Variants in HNRNPR observed in about 807,000 individuals in gnomAD.
HNRNPR encodes the protein heterogeneous nuclear ribonucleoprotein R.
Under a neutral mutation model 70.3 loss-of-function variants are expected in HNRNPR, and 4 were observed. That is an observed-to-expected ratio of 0.06 (90% CI 0.03 to 0.13). The LOEUF (loss-of-function observed/expected upper bound fraction) is 0.13. HNRNPR is among the 10% of genes least tolerant of loss of function. The pLI is 1.00. For synonymous variants in HNRNPR, 241 were observed against 267.6 expected, an observed-to-expected ratio of 0.90 and a Z score of 0.97; for missense variants, 423 against 788.5, an observed-to-expected ratio of 0.54 and a Z score of 5.55.
intron 7 of HNRNPR, 52 bp downstream of exon 7, chr1:23,321,476 A>G: frequency 6.7e-7 from 1 of 1,501,686 alleles, no homozygotes; most frequent in South Asian, 1.2e-5. Context: ...AGCACTTGTA[A>G]GTAGTACAAC....
chr1:23,322,238 C>CT lies in HNRNPR; in HGVS notation c.676-576dup, dbSNP rs552324332. Among the ~76,000 whole-genome samples, 302 of 145,488 alleles carry CT rather than the reference C, an allele frequency of 2.1e-3. 1 individual carries two copies. The highest frequency in any genetic ancestry group is 7.0e-3 in the Middle Eastern group (2 of 286). On this transcript the variant is annotated intron_variant, in intron 6 of 10. Transcript: ENST00000302271. Reference sequence around the variant, plus strand: ...TGGATTTTCTTGATAAATTGTAGCCCTTTTTTTTTTTTCTTAAGATGGAGT... The same window carrying CT: ...TGGATTTTCTTGATAAATTGTAGCCCTTTTTTTTTTTTTCTTAAGATGGAGT...
chr1:23,336,907 G>A (rs1646516319), intron 4 of HNRNPR, among the ~76,000 whole-genome samples: 1 of 152,000 alleles, frequency 6.6e-6, no homozygotes, highest in Admixed American at 6.6e-5. Context: ...TAATAAAATG[G>A]TAATAATAAT....
intron 8 of HNRNPR, among the ~76,000 whole-genome samples, chr1:23,317,856 T>C (rs1478001325): frequency 6.6e-6 from 1 of 151,900 alleles, no homozygotes; most frequent in Non-Finnish European, 1.5e-5. Flanking sequence ...GGCAGGCGCC[T>C]GTAGTCCCAG....
At chr1:23,334,571 T>A (rs1646387223) in intron 4 of HNRNPR, among the ~76,000 whole-genome samples, 1 of 152,286 alleles carries the variant, frequency 6.6e-6, no homozygotes, top group African/African-American at 2.4e-5. Context: ...TTAAGCTTGA[T>A]TTTGTTTGAT....
chr1:23,325,514 C>G (rs571926022), intron 5 of HNRNPR, among the ~76,000 whole-genome samples: 31 of 152,254 alleles, frequency 2.0e-4, no homozygotes, highest in African/African-American at 7.5e-4. Flanking sequence ...CTTAAGGTCC[C>G]CAATCCTCAT....
At chr1:23,320,600 A>G (rs1645717423) in intron 7 of HNRNPR, among the ~76,000 whole-genome samples, 1 of 152,200 alleles carries the variant, frequency 6.6e-6, no homozygotes, top group Admixed American at 6.5e-5. Context: ...ACAAAAGGGA[A>G]AGGATATGTC....
intron 10 of HNRNPR, 48 bp from the exon 11 acceptor site, chr1:23,311,114 C>T (rs770123519): frequency 2.2e-5 from 35 of 1,608,138 alleles, no homozygotes; most frequent in Admixed American, 6.8e-5. Flanking sequence ...CAGTTTGCTT[C>T]AAGACTCTGA....
rs983829150 is a variant in HNRNPR, at chr1:23,332,170, G to C, written c.498+1348C>G. On this transcript the variant is annotated intron_variant, in intron 5 of 10. Coordinates refer to ENST00000302271, the MANE Select transcript of HNRNPR (RefSeq NM_005826.5). ...GGAGAGGGGAGGAGAAGAGAAGGAA[G>C]GAATAGAACAGGCTAGCAATAAGGC... Among the ~76,000 whole-genome samples, 3 of 152,116 alleles carry C rather than the reference G, an allele frequency of 2.0e-5. No individual in the cohort carries two copies. The East Asian group carries it at 5.8e-4, about 29-fold the overall frequency.
rs779842176 is a variant in HNRNPR, at chr1:23,310,991, T to C, written c.1365A>G (p.Arg455=). ...PIRGRGRGGG[R]GGYGYPPDYY... Reference sequence around the variant, plus strand: ...AATCTGGAGGGTAGCCATATCCACCTCTCCCCCCACCACGACCCCGACCTC... The same window carrying C: ...AATCTGGAGGGTAGCCATATCCACCCCTCCCCCCACCACGACCCCGACCTC... Residue 455 remains arginine, a synonymous_variant, in exon 11 of 11, where the codon AGA becomes AGG. Transcript: ENST00000302271. The surrounding 1 kb of genome is among the most constrained non-coding windows in gnomAD (Gnocchi z 6.0). 1 of 1,613,782 alleles carries C rather than the reference T, an allele frequency of 6.2e-7. No individual in the cohort carries two copies. The highest frequency in any genetic ancestry group is 1.1e-5 in the South Asian group (1 of 91,062).
chr1:23,326,445 G>C (rs983361301), intron 5 of HNRNPR, among the ~76,000 whole-genome samples: 1 of 152,126 alleles, frequency 6.6e-6, no homozygotes, highest in African/African-American at 2.4e-5. Flanking sequence ...TCTAACTCGA[G>C]CTGTATACCC....
chr1:23,329,017 A>T (rs1646112760), intron 5 of HNRNPR, among the ~76,000 whole-genome samples: 1 of 152,170 alleles, frequency 6.6e-6, no homozygotes, highest in Non-Finnish European at 1.5e-5. Flanking sequence ...GTTACTTGGG[A>T]AGCTAAGGCA....
intron 5 of HNRNPR, among the ~76,000 whole-genome samples, chr1:23,331,913 A>G (rs1646247283): frequency 6.8e-6 from 1 of 147,682 alleles, no homozygotes; most frequent in Non-Finnish European, 1.5e-5. Flanking sequence ...CTCCATTTGA[A>G]GGATGAGCAG....
intron 5 of HNRNPR, among the ~76,000 whole-genome samples, chr1:23,331,952 C>T (rs531703942): frequency 1.2e-3 from 176 of 149,844 alleles, no homozygotes; most frequent in Non-Finnish European, 2.0e-3. Context: ...GCCAACTTGG[C>T]GCAACCCCGT....
In HNRNPR at chr1:23,306,823, A is replaced by G. The variant is rs1645209590; in HGVS notation, c.*3631T>C. 6.6e-6 allele frequency: 1 copy of G among 152,200 alleles called. No individual in the cohort carries two copies. The highest frequency in any genetic ancestry group is 2.1e-4 in the South Asian group (1 of 4,832). 9.4% of individuals were successfully genotyped at this position (152,200 alleles called of 1,614,324 possible). A position where few individuals can be genotyped will look rare whatever the true frequency, so the allele number is the denominator to read the frequency against. On this transcript the variant is annotated 3_prime_UTR_variant, in exon 11 of 11. Coordinates refer to ENST00000302271, the MANE Select transcript of HNRNPR (RefSeq NM_005826.5). Reference sequence around the variant, plus strand: ...GACCTAATCAACAAACTTCTAATATAAAAGTAAACATGTCTGGCTAATGGA... The same window carrying G: ...GACCTAATCAACAAACTTCTAATATGAAAGTAAACATGTCTGGCTAATGGA...
chr1:23,315,606 T>G (rs1418386347), intron 8 of HNRNPR, among the ~76,000 whole-genome samples: 1 of 152,166 alleles, frequency 6.6e-6, no homozygotes, highest in African/African-American at 2.4e-5. Flanking sequence ...TAAAACTGGA[T>G]GCCTTATAGG....
rs1645297695 is a variant in HNRNPR at position 23,310,738 on chromosome 1, T to C, written c.1618A>G (p.Arg540Gly). 5.6e-6 allele frequency: 9 copies of C among 1,613,908 alleles called. No homozygotes were observed. Among genetic ancestry groups the C allele is most frequent in the South Asian group, 2.2e-5 (2 of 91,056 alleles). Residue 540 changes from arginine (R) to glycine (G), a missense_variant, in exon 11 of 11, where the codon AGA becomes GGA. This residue lies in a region of HNRNPR where 169 missense variants were observed against 195.6 expected (regional missense o/e 0.86). Transcript: ENST00000302271. This position sits in a 1 kb window ranked among gnomAD's most constrained non-coding sequence, Gnocchi z 6.0. ...CCCCCTCTGCCACCCCTAGAGCCTC[T>C]TGGTGGTCCCAAAGGTGCCCCCCTC... ...SQRGAPLGPPRGSRGGRGGPA... is the reference protein window; with the variant it reads ...SQRGAPLGPPGGSRGGRGGPA...
At chr1:23,312,950 G>C (rs1645391777) in intron 9 of HNRNPR, among the ~76,000 whole-genome samples, 1 of 152,142 alleles carries the variant, frequency 6.6e-6, no homozygotes, top group South Asian at 2.1e-4. Flanking sequence ...TCGATAGAAA[G>C]CAGGTTTTGT....
At chr1:23,332,622 C>T (rs1038261669) in intron 5 of HNRNPR, among the ~76,000 whole-genome samples, 1 of 146,744 alleles carries the variant, frequency 6.8e-6, no homozygotes, top group Non-Finnish European at 1.5e-5. Flanking sequence ...ATCGCTTGAA[C>T]TTAGGAGGTG....
At chr1:23,328,176 C>A (rs923699659) in intron 5 of HNRNPR, among the ~76,000 whole-genome samples, 1 of 152,142 alleles carries the variant, frequency 6.6e-6, no homozygotes. Context: ...GAGAACGGGG[C>A]CAGAGTAAGT....
Sources: gnomAD v4.1 joint callset for allele counts (sites outside exome capture counted in the v4.1 genomes callset) on GRCh38, gnomAD v4.1.1 for gene constraint, gnomAD v4.1.1 regional missense constraint, Gnocchi (gnomAD v3.1) non-coding constraint, MANE v1.5 for transcripts, NCBI Gene and HGNC (gene_info 2026-07-23, HGNC 2026-07-21) for gene names.